FOXO3: variants seen among roughly 807,000 people sequenced by gnomAD.
FOXO3 encodes the protein forkhead box protein O3.
In FOXO3, 4 loss-of-function variants were observed where a neutral mutation model predicts 41.9. The ratio of observed to expected loss-of-function variants is 0.10; its 90% CI spans 0.05 to 0.22. FOXO3 has a LOEUF of 0.22. Ranked by LOEUF, FOXO3 falls within the 10% of genes least tolerant of loss-of-function variation. The pLI, the probability that FOXO3 is intolerant of heterozygous loss-of-function variation, is 1.00. For missense variants in FOXO3, 534 were observed against 906.8 expected (o/e 0.59, Z 5.28); for synonymous variants, 318 against 389.3 (o/e 0.82, Z 2.16).
chr6:108,629,019 G>C (rs536219327), intron 1 of FOXO3, among the ~76,000 whole-genome samples: 3 of 152,096 alleles, frequency 2.0e-5, no homozygotes, highest in Non-Finnish European at 4.4e-5. Context: ...GAGCTTACTG[G>C]CTGAAATCGA....
At chr6:108,578,999 G>A (rs1776337438) in intron 1 of FOXO3, among the ~76,000 whole-genome samples, 1 of 152,180 alleles carries the variant, frequency 6.6e-6, no homozygotes, top group Non-Finnish European at 1.5e-5. Flanking sequence ...TGATCAGCTA[G>A]CTATATCAAA....
At chr6:108,635,419 A>C (rs1778095441) in intron 1 of FOXO3, among the ~76,000 whole-genome samples, 1 of 152,192 alleles carries the variant, frequency 6.6e-6, no homozygotes, top group Admixed American at 6.5e-5. Context: ...TGTATCTGGA[A>C]TATTTTGCTT....
At chr6:108,562,298 G>A (rs561050552) in intron 1 of FOXO3, among the ~76,000 whole-genome samples, 1 of 152,216 alleles carries the variant, frequency 6.6e-6, no homozygotes, top group East Asian at 1.9e-4. Flanking sequence ...AGCATGTTGC[G>A]TCGTCACTAG....
Position 108,664,395 on chromosome 6 carries a change from C to T in FOXO3, c.1562C>T (p.Ala521Val), listed in dbSNP as rs1256566424. 6.2e-7 allele frequency: 1 copy of T among 1,613,706 alleles called. No individual in the cohort carries two copies. The highest frequency in any genetic ancestry group is 8.5e-7 in the Non-Finnish European group (1 of 1,179,848). The change falls in exon 2 of 3, where the codon GCC becomes GTC. Residue 521 changes from alanine (A) to valine (V), a missense_variant. By Grantham distance (64) the Ala-to-Val change is moderately conservative (BLOSUM62 0). Transcript: ENST00000406360. Reference protein sequence around the residue: ...LRNDPMMSFAAQPNQGSLVNQ... With the variant: ...LRNDPMMSFAVQPNQGSLVNQ... ...AATGATCCGATGATGTCCTTTGCTG[C>T]CCAGCCTAACCAGGGAAGTTTGGTC...
At chr6:108,628,216 T>C (rs1777866569) in intron 1 of FOXO3, among the ~76,000 whole-genome samples, 1 of 152,186 alleles carries the variant, frequency 6.6e-6, no homozygotes, top group Admixed American at 6.5e-5. Flanking sequence ...TCCACAGAGA[T>C]AGGGGAAGAA....
chr6:108,569,110 G>A (rs1407859765), intron 1 of FOXO3, among the ~76,000 whole-genome samples: 1 of 152,196 alleles, frequency 6.6e-6, no homozygotes, highest in Non-Finnish European at 1.5e-5. Flanking sequence ...GCATTTTGGG[G>A]CAGAAGTCCC....
chr6:108,668,253 T>G (rs968148712), intron 2 of FOXO3, among the ~76,000 whole-genome samples: 5 of 152,236 alleles, frequency 3.3e-5, no homozygotes, highest in Admixed American at 1.3e-4. Flanking sequence ...GCTGGGGAGC[T>G]GCAGCAAGAT....
At chr6:108,591,245 G>A (rs1776726381) in intron 1 of FOXO3, among the ~76,000 whole-genome samples, 1 of 152,178 alleles carries the variant, frequency 6.6e-6, no homozygotes, top group Non-Finnish European at 1.5e-5. Flanking sequence ...CAGGCCTGTT[G>A]TAGACAGCCA....
chr6:108,671,184 CACAG>C (rs1428940554), intron 2 of FOXO3, among the ~76,000 whole-genome samples: 1 of 152,238 alleles, frequency 6.6e-6, no homozygotes, highest in Non-Finnish European at 1.5e-5. Context: ...TCCACAAAAA[CACAG>C]ACCCTAAGAC....
At chr6:108,583,197 T>G (rs1562233254) in intron 1 of FOXO3, among the ~76,000 whole-genome samples, 1 of 152,298 alleles carries the variant, frequency 6.6e-6, no homozygotes, top group South Asian at 2.1e-4. Flanking sequence ...CGCTTCAGAC[T>G]CACTACTTTA....
At chr6:108,657,143 A>G (rs533607922) in intron 1 of FOXO3, among the ~76,000 whole-genome samples, 1 of 152,366 alleles carries the variant, frequency 6.6e-6, no homozygotes, top group South Asian at 2.1e-4. Flanking sequence ...GTTTTGTAAA[A>G]GAGAAGATGG....
chr6:108,594,464 G>A (rs548940669), intron 1 of FOXO3, among the ~76,000 whole-genome samples: 1 of 152,262 alleles, frequency 6.6e-6, no homozygotes, highest in East Asian at 1.9e-4. Flanking sequence ...CATGGACCAA[G>A]GCAGCAGGAG....
intron 1 of FOXO3, among the ~76,000 whole-genome samples, chr6:108,569,947 G>T (rs1193693562): frequency 1.3e-5 from 2 of 150,984 alleles, no homozygotes; most frequent in Admixed American, 6.6e-5. Context: ...TAGGGGGTGG[G>T]GTGGGGTGGA....
At chr6:108,607,940 G>A (rs1777252785) in intron 1 of FOXO3, among the ~76,000 whole-genome samples, 1 of 152,144 alleles carries the variant, frequency 6.6e-6, no homozygotes, top group South Asian at 2.1e-4. Flanking sequence ...TATTATCCTG[G>A]AAGAACTAAT....
At chr6:108,656,478 C>A in intron 1 of FOXO3, 1 of 985,380 alleles carries the variant, frequency 1.0e-6, no homozygotes, top group Non-Finnish European at 1.2e-6. Flanking sequence ...GTTTGAAATC[C>A]TTTCCTGGAA....
At chr6:108,579,707 TG>T (rs1297901230) in intron 1 of FOXO3, among the ~76,000 whole-genome samples, 1 of 152,112 alleles carries the variant, frequency 6.6e-6, no homozygotes, top group Non-Finnish European at 1.5e-5. Context: ...TGAAAGGATC[TG>T]GCATCAGGAT....
intron 1 of FOXO3, among the ~76,000 whole-genome samples, chr6:108,588,127 A>G (rs2128362151): frequency 6.6e-6 from 1 of 152,380 alleles, no homozygotes; most frequent in African/African-American, 2.4e-5. Flanking sequence ...TAACAGTTGC[A>G]TTGCTTATGA....
intron 1 of FOXO3, among the ~76,000 whole-genome samples, chr6:108,618,833 C>G (rs1261170278): frequency 7.9e-5 from 12 of 152,170 alleles, no homozygotes; most frequent in Admixed American, 6.5e-4. Context: ...CCTGGGTGTT[C>G]TGCCCTTCCA....
intron 1 of FOXO3, among the ~76,000 whole-genome samples, chr6:108,659,386 G>A (rs1380389662): frequency 2.0e-5 from 3 of 152,076 alleles, no homozygotes; most frequent in Non-Finnish European, 4.4e-5. Context: ...GCATAATTTG[G>A]TAAGAGGCCT....
Sources: allele counts gnomAD v4.1 joint callset (sites outside exome capture counted in the v4.1 genomes callset), GRCh38; gene constraint gnomAD v4.1.1; transcripts MANE v1.5; gene names NCBI Gene and HGNC (gene_info 2026-07-23, HGNC 2026-07-21).